Variants in TFDP2 observed in about 807,000 individuals in gnomAD.
The protein encoded by TFDP2 is transcription factor Dp-2 (E2F dimerization partner 2).
In TFDP2, 17 loss-of-function variants were observed where a neutral mutation model predicts 59.3. The observed-to-expected ratio is 0.29, with a 90% CI of 0.20 to 0.43. The LOEUF is 0.43. Ranked by LOEUF, TFDP2 falls within the 20% of genes least tolerant of loss-of-function variation. TFDP2 has a pLI of 1.00. For synonymous variants in TFDP2, 180 were observed against 194.7 expected (o/e 0.92, Z 0.63); for missense variants, 391 against 528.8 (o/e 0.74, Z 2.56).
At chr3:142,020,727 C>T (rs907293) in intron 3 of TFDP2, among the ~76,000 whole-genome samples, 133,323 of 151,482 alleles carry the variant, frequency 0.88, 58,914 homozygotes, top group African/African-American at 0.97. Context: ...CTCATGCCTA[C>T]AGTTCCAGCA....
rs190534320 is a variant in TFDP2, at chr3:141,968,423, C to A, written c.732+1650G>T. The stretch of plus-strand genomic sequence containing the variant: ...TATATCATATATATAACATATATAT[C>A]TCATATATAGATATATATAACATAT... On this transcript the variant is annotated intron_variant, in intron 9 of 12. Coordinates refer to ENST00000489671, the MANE Select transcript of TFDP2 (RefSeq NM_001178139.2). Among the ~76,000 whole-genome samples, 87 of 87,882 alleles carry A rather than the reference C, an allele frequency of 9.9e-4. 3 individuals are homozygous for A. Among genetic ancestry groups the A allele is most frequent in the East Asian group, 4.0e-3 (14 of 3,468 alleles). The allele number at this position is 87,882 out of a possible 152,430, so 57.7% of individuals were successfully genotyped here.
chr3:142,126,352 G>GT (rs1475320806), intron 1 of TFDP2: 1 of 151,596 alleles, frequency 6.6e-6, no homozygotes, highest in Non-Finnish European at 1.5e-5. Flanking sequence ...AAACAACACA[G>GT]TTTTTTTAAA....
chr3:141,958,493 T>G (rs1936966078), intron 11 of TFDP2, among the ~76,000 whole-genome samples: 1 of 151,978 alleles, frequency 6.6e-6, no homozygotes, highest in African/African-American at 2.4e-5. Flanking sequence ...TCTAAAGAAA[T>G]GCAAGTGAAT....
At chr3:142,100,948 T>C (rs2061299845) in intron 2 of TFDP2, among the ~76,000 whole-genome samples, 1 of 152,210 alleles carries the variant, frequency 6.6e-6, no homozygotes. Flanking sequence ...CTTAAATTCC[T>C]TGAGATATCC....
chr3:141,997,126 G>A (rs141296970), intron 4 of TFDP2, among the ~76,000 whole-genome samples: 5 of 152,236 alleles, frequency 3.3e-5, no homozygotes, highest in African/African-American at 7.2e-5. Flanking sequence ...TAGGGGTGGC[G>A]AGTACCTTGC....
chr3:142,017,548 C>CTTTTTTTTTTTT (rs10535313), intron 3 of TFDP2, among the ~76,000 whole-genome samples: 1 of 87,240 alleles, frequency 1.1e-5, no homozygotes, highest in Non-Finnish European at 2.2e-5. Flanking sequence ...CAAAAATATT[C>CTTTTTTTTTTTT]TTTTTTTTTT....
At chr3:142,060,769 A>C (rs2059892673) in intron 3 of TFDP2, among the ~76,000 whole-genome samples, 1 of 152,182 alleles carries the variant, frequency 6.6e-6, no homozygotes, top group Non-Finnish European at 1.5e-5. Flanking sequence ...GAAAACCAAG[A>C]TGTTAAGAAT....
chr3:141,971,072 A>AT (rs1236013189), intron 8 of TFDP2, among the ~76,000 whole-genome samples: 1 of 151,916 alleles, frequency 6.6e-6, no homozygotes, highest in African/African-American at 2.4e-5. Flanking sequence ...AGAAAAAAAA[A>AT]AAAAGAAACA....
chr3:141,977,106 A>T (rs368226778), intron 7 of TFDP2, among the ~76,000 whole-genome samples: 4,066 of 97,518 alleles, frequency 0.042, 190 homozygotes, highest in Non-Finnish European at 0.066. Flanking sequence ...ATATATATAT[A>T]TTTTTTTTTT....
intron 1 of TFDP2, among the ~76,000 whole-genome samples, chr3:142,112,267 T>C (rs1225812811): frequency 6.6e-6 from 1 of 152,326 alleles, no homozygotes; most frequent in South Asian, 2.1e-4. Flanking sequence ...TTCTTGACTA[T>C]ACCAAATAAG....
Position 141,968,845 on chromosome 3 carries a change from T to TG in TFDP2, c.732+1227_732+1228insC, listed in dbSNP as rs1186400231. Among the ~76,000 whole-genome samples, 13 of 80,774 alleles carry TG rather than the reference T, an allele frequency of 1.6e-4. 3 individuals are homozygous for TG. Among genetic ancestry groups the TG allele is most frequent in the East Asian group, 2.9e-4 (1 of 3,444 alleles). The allele number at this position is 80,774 out of a possible 152,430, so 53.0% of individuals were successfully genotyped here. On this transcript the variant is annotated intron_variant, in intron 9 of 12. Coordinates refer to ENST00000489671, the MANE Select transcript of TFDP2 (RefSeq NM_001178139.2). ...ATAACACATATATATCTCATATATA[T>TG]AGATATATATAACATATATATCTCA...
chr3:141,970,302 C>G (rs1939519511), intron 8 of TFDP2, among the ~76,000 whole-genome samples, 161 bp from the exon 9 acceptor site: 1 of 152,080 alleles, frequency 6.6e-6, no homozygotes, highest in African/African-American at 2.4e-5. Context: ...GGGGCAGGGG[C>G]TGGAGTGAAC....
At chr3:142,135,231 A>G (rs2062679697) in intron 1 of TFDP2, among the ~76,000 whole-genome samples, 1 of 152,038 alleles carries the variant, frequency 6.6e-6, no homozygotes, top group South Asian at 2.1e-4. Context: ...TCAGCCTCAC[A>G]AGTAGCTGGG....
rs1935565494 is a variant in TFDP2, at chr3:141,948,840, C to G, written c.*3673G>C. The G allele has an allele frequency of 6.6e-6, 1 of 152,188 alleles. No individual in the cohort carries two copies. Among genetic ancestry groups the G allele is most frequent in the African/African-American group, 2.4e-5 (1 of 41,376 alleles). The allele number at this position is 152,188 out of a possible 1,614,324, so 9.4% of individuals were successfully genotyped here. A position where few individuals can be genotyped will look rare whatever the true frequency, so the allele number is the denominator to read the frequency against. ...CCATTTGAGGCCGGGTGCGGTGGCT[C>G]ACGCCTGTAATCCCAGCACTTTGGG... On this transcript the variant is annotated 3_prime_UTR_variant, in exon 13 of 13. Transcript: ENST00000489671.
intron 2 of TFDP2, among the ~76,000 whole-genome samples, chr3:142,101,368 A>AT (rs1475028560): frequency 6.6e-6 from 1 of 152,010 alleles, no homozygotes; most frequent in African/African-American, 2.4e-5. Flanking sequence ...AAAAAAAAAA[A>AT]AAAAAATAAG....
chr3:141,983,773 T>G (rs950671691), intron 6 of TFDP2, among the ~76,000 whole-genome samples: 14 of 152,016 alleles, frequency 9.2e-5, no homozygotes, highest in African/African-American at 3.4e-4. Flanking sequence ...TACATACCCA[T>G]TAGAATGGCT....
chr3:141,979,914 G>GTT (rs1191312856), intron 6 of TFDP2, among the ~76,000 whole-genome samples: 2 of 144,970 alleles, frequency 1.4e-5, no homozygotes, highest in African/African-American at 2.5e-5. Flanking sequence ...CTGTTTTTGG[G>GTT]TTTTTTTTTT....
intron 3 of TFDP2, among the ~76,000 whole-genome samples, chr3:142,079,638 C>A (rs1477512188): frequency 1.3e-5 from 2 of 152,018 alleles, no homozygotes; most frequent in Admixed American, 6.6e-5. Flanking sequence ...ATCCAAAAAG[C>A]CCCAAGAGAA....
intron 3 of TFDP2, among the ~76,000 whole-genome samples, chr3:142,074,848 T>C (rs1331548294): frequency 6.6e-6 from 1 of 152,004 alleles, no homozygotes; most frequent in African/African-American, 2.4e-5. Flanking sequence ...TGAGACTTTG[T>C]CTCAAAAAAA....
Sources: allele counts gnomAD v4.1 joint callset (sites outside exome capture counted in the v4.1 genomes callset), GRCh38; gene constraint gnomAD v4.1.1; transcripts MANE v1.5; gene names NCBI Gene and HGNC (gene_info 2026-07-23, HGNC 2026-07-21).